The following VIRMA variants were observed in gnomAD, a reference collection of about 807,000 sequenced individuals.
VIRMA encodes the protein protein virilizer homolog.
Under a neutral mutation model 182.4 loss-of-function variants are expected in VIRMA, and 65 were observed. That is an observed-to-expected ratio of 0.36 (90% CI 0.29 to 0.44). The LOEUF (loss-of-function observed/expected upper bound fraction) is 0.44. Ranked by LOEUF, VIRMA falls within the 20% of genes least tolerant of loss-of-function variation. VIRMA has a pLI of 1.00. For missense variants in VIRMA, 1,752 were observed against 2,158.1 expected (o/e 0.81, Z 3.73); for synonymous variants, 709 against 743.1 (o/e 0.95, Z 0.75).
intron 18 of VIRMA, 106 bp from the exon 19 acceptor site, chr8:94,495,997 T>C (rs1400294863): frequency 1.1e-5 from 10 of 933,434 alleles, no homozygotes; most frequent in African/African-American, 1.7e-5. Flanking sequence ...CTAAGAAATT[T>C]GGAACACTGT....
At chr8:94,512,499 G>A (rs574699663) in intron 11 of VIRMA, 3 of 152,528 alleles carry the variant, frequency 2.0e-5, no homozygotes, top group African/African-American at 7.2e-5. Flanking sequence ...TGTGGAGGCT[G>A]AGTGCAGTGG....
chr8:94,549,159 T>C (rs1815884952), intron 1 of VIRMA, among the ~76,000 whole-genome samples: 1 of 152,260 alleles, frequency 6.6e-6, no homozygotes, highest in Non-Finnish European at 1.5e-5. Context: ...GCTTATCTTC[T>C]GAACTCAGTG....
chr8:94,544,629 C>T (rs561987510), intron 1 of VIRMA, among the ~76,000 whole-genome samples: 1 of 146,394 alleles, frequency 6.8e-6, no homozygotes, highest in African/African-American at 2.5e-5. Context: ...CCACTGCACT[C>T]CAGCCTGGGT....
rs10956918 is a variant in VIRMA at position 94,528,350 on chromosome 8, T to TAA, written c.880+718_880+719dup. On this transcript the variant is annotated intron_variant, in intron 7 of 23. Coordinates refer to ENST00000297591, the MANE Select transcript of VIRMA (RefSeq NM_015496.5). ...TTGATAATCTGTGAATGGGGAAAGT[T>TAA]AAAAAAAAATCACATGATAATCTAG... Among the ~76,000 whole-genome samples, 1,047 of 151,388 alleles carry TAA rather than the reference T, an allele frequency of 6.9e-3. 9 individuals carry two copies. Among genetic ancestry groups the TAA allele is most frequent in the African/African-American group, 0.022 (912 of 41,298 alleles).
At chr8:94,532,397 G>A (rs914502611) in intron 5 of VIRMA, among the ~76,000 whole-genome samples, 8 of 152,212 alleles carry the variant, frequency 5.3e-5, no homozygotes, top group African/African-American at 1.9e-4. Flanking sequence ...GTGAGCCACG[G>A]CATCCAGCCC....
In VIRMA at chr8:94,535,003, T is replaced by C. The variant is rs767668188; in HGVS notation, c.320A>G (p.Asn107Ser). 2.5e-6 allele frequency: 4 copies of C among 1,571,922 alleles called. No homozygotes were observed. Among genetic ancestry groups the C allele is most frequent in the Non-Finnish European group, 3.4e-6 (4 of 1,164,116 alleles). ...SIIFRPNSKVNTDGLVLRGWY... is the reference protein window; with the variant it reads ...SIIFRPNSKVSTDGLVLRGWY... The stretch of plus-strand genomic sequence containing the variant: ...GCCTCTTAGCACCAGACCATCAGTA[T>C]TCACCTGATTTTCAGGGAGGGCAAA... The change falls in exon 5 of 24, where the codon AAT (asparagine) becomes AGT (serine). Residue 107 changes from asparagine to serine, a missense_variant. Physicochemically the swap from Asn to Ser is conservative, Grantham distance 46. Coordinates refer to ENST00000297591, the MANE Select transcript of VIRMA (RefSeq NM_015496.5).
intron 2 of VIRMA, among the ~76,000 whole-genome samples, chr8:94,540,438 CCTTCTTTACTTTTT>C (rs1188520610): frequency 1.3e-5 from 2 of 151,218 alleles, no homozygotes; most frequent in Non-Finnish European, 2.9e-5. Context: ...TTCCTCTTGC[CCTTCTTTACTTTTT>C]CTTCTTTTCT....
chr8:94,514,254 G>A (rs372857126), intron 11 of VIRMA, among the ~76,000 whole-genome samples: 14 of 152,132 alleles, frequency 9.2e-5, no homozygotes, highest in African/African-American at 2.4e-4. Flanking sequence ...TATGCTACAC[G>A]ATGGCTCGAC....
chr8:94,500,829 G>GA (rs1206734609), intron 16 of VIRMA, among the ~76,000 whole-genome samples: 1 of 151,882 alleles, frequency 6.6e-6, no homozygotes, highest in Non-Finnish European at 1.5e-5. Context: ...ACCAAAATTT[G>GA]AAAACAACCC....
In VIRMA at chr8:94,509,902, G is replaced by A. The variant is rs1191447875; in HGVS notation, c.3665C>T (p.Thr1222Ile). 2 of 1,613,626 alleles carry A rather than the reference G, an allele frequency of 1.2e-6. No individual in the cohort carries two copies. The highest frequency in any genetic ancestry group is 1.7e-5 in the Admixed American group (1 of 59,954). ...ATCAAGAAGAGCAAGCAACCTGGTG[G>A]TTTGGCTAGTATACTGTTTTTCTTT... is the stretch of plus-strand genomic sequence containing the variant. ...EDKEKQYTSQ[T>I]TRLLALLDAL... is the part of the protein sequence containing the mutation. The change falls in exon 15 of 24, where the codon ACC becomes ATC. Residue 1222 changes from threonine to isoleucine, a missense_variant. Thr to Ile is a moderately conservative substitution (Grantham distance 89). Transcript: ENST00000297591.
In VIRMA at chr8:94,543,932, T is replaced by A; in HGVS notation, c.74A>T (p.His25Leu). Reference protein sequence around the residue: ...FKHPSAEQSSHIDVVRFPCVV... With the variant: ...FKHPSAEQSSLIDVVRFPCVV... ...ACATGGAAAACGAACCACATCTATA[T>A]GAGAACTTTGCTGTAACAAAAAAAA... Residue 25 changes from histidine (H) to leucine (L), a missense_variant, in exon 2 of 24, where the codon CAT becomes CTT. Physicochemically the swap from His to Leu is moderately conservative, Grantham distance 99. Transcript: ENST00000297591. 2 of 1,599,814 alleles carry A rather than the reference T, an allele frequency of 1.3e-6. No homozygotes were observed. Among genetic ancestry groups the A allele is most frequent in the Non-Finnish European group, 1.7e-6 (2 of 1,169,432 alleles).
At position 94,527,308 on chromosome 8, in the gene VIRMA, T is replaced by G; in HGVS notation, c.936A>C (p.Glu312Asp). 6.3e-7 allele frequency: 1 copy of G among 1,598,008 alleles called. No individual in the cohort carries two copies. The highest frequency in any genetic ancestry group is 8.5e-7 in the Non-Finnish European group (1 of 1,170,510). ...AGTTTGGATACTTAAATGTTTCACG[T>G]TCCAAGTCAGCAATTCCATCTTCAT... The part of the protein sequence containing the change: ...SSDEDGIADL[E>D]RETFKYPNFD... Residue 312 changes from glutamate to aspartate, a missense_variant, in exon 8 of 24, where the codon GAA becomes GAC. By Grantham distance (45) the Glu-to-Asp change is conservative. This residue lies in a region of VIRMA where 31 missense variants were observed against 68.4 expected (regional missense o/e 0.45). Coordinates refer to ENST00000297591, the MANE Select transcript of VIRMA (RefSeq NM_015496.5).
At chr8:94,531,151 TTGAAC>T in intron 5 of VIRMA, 66 bp from the exon 6 acceptor site, 1 of 1,456,452 alleles carries the variant, frequency 6.9e-7, no homozygotes, top group South Asian at 1.5e-5. Flanking sequence ...CAACATGGCT[TTGAAC>T]TGTGTGGGTC....
At position 94,511,322 on chromosome 8, in the gene VIRMA, T is replaced by A. The variant is rs1814365204; in HGVS notation, c.3253A>T (p.Thr1085Ser). 2 of 1,613,518 alleles carry A rather than the reference T, an allele frequency of 1.2e-6. No individual in the cohort carries two copies. Among genetic ancestry groups the A allele is most frequent in the South Asian group, 2.2e-5 (2 of 91,004 alleles). Residue 1085 changes from threonine (T) to serine (S), a missense_variant, in exon 13 of 24, where the codon ACT (threonine) becomes TCT (serine). Thr to Ser is a moderately conservative substitution (Grantham distance 58). Transcript: ENST00000297591. Reference protein sequence around the residue: ...VNEKLTISEETLANNTWSLML... With the variant: ...VNEKLTISEESLANNTWSLML... Reference sequence around the variant, plus strand: ...AAAGACCAAGTATTATTGGCCAGAGTCTCTTCTGAGATTGTGAGTTTTTCA... The same window carrying A: ...AAAGACCAAGTATTATTGGCCAGAGACTCTTCTGAGATTGTGAGTTTTTCA...
At chr8:94,537,061 G>A in intron 4 of VIRMA, 42 bp downstream of exon 4, 1 of 1,307,106 alleles carries the variant, frequency 7.7e-7, no homozygotes, top group Non-Finnish European at 1.1e-6. Context: ...GGAGTTGAGA[G>A]CAAATAGTAA....
At chr8:94,542,961 T>G (rs533634783) in intron 2 of VIRMA, among the ~76,000 whole-genome samples, 1 of 152,078 alleles carries the variant, frequency 6.6e-6, no homozygotes, top group African/African-American at 2.4e-5. Context: ...CAGGCTAGAG[T>G]GCAATGACGC....
chr8:94,521,571 A>C (rs545927804), intron 8 of VIRMA, among the ~76,000 whole-genome samples: 7 of 152,284 alleles, frequency 4.6e-5, no homozygotes, highest in African/African-American at 1.7e-4. Flanking sequence ...TAATTTTCTG[A>C]AAGTTAAAAA....
chr8:94,496,053 A>G, intron 18 of VIRMA, 162 bp from the exon 19 acceptor site: 2 of 657,102 alleles, frequency 3.0e-6, no homozygotes, highest in Non-Finnish European at 4.9e-6. Flanking sequence ...ACAAACACCA[A>G]AACACTTGTC....
In VIRMA at chr8:94,524,200, T is replaced by C. The variant is rs568412458; in HGVS notation, c.2021+2023A>G. 1.9e-4 allele frequency among the ~76,000 whole-genome samples: 29 copies of C among 152,224 alleles called. No homozygotes were observed. The South Asian group carries it at 2.5e-3, about 13-fold the overall frequency. ...TTTTAGTAGAGATGGGGTTTCTCCA[T>C]GCTGGTCAGGCTGGTCTTGAACTCT... On this transcript the variant is annotated intron_variant, in intron 8 of 23. Transcript: ENST00000297591.
Sources: gnomAD v4.1 joint callset for allele counts (sites outside exome capture counted in the v4.1 genomes callset) on GRCh38, gnomAD v4.1.1 for gene constraint, gnomAD v4.1.1 regional missense constraint, MANE v1.5 for transcripts, NCBI Gene and HGNC (gene_info 2026-07-23, HGNC 2026-07-21) for gene names.